Variants in ZFPM2 observed in about 807,000 individuals in gnomAD.
The protein encoded by ZFPM2 is zinc finger protein, FOG family member 2.
ZFPM2 carries 20 observed loss-of-function variants against 98.6 expected under a neutral mutation model. The ratio of observed to expected loss-of-function variants is 0.20; its 90% CI spans 0.14 to 0.29. The LOEUF (loss-of-function observed/expected upper bound fraction) is 0.29. Among genes scored for constraint, ZFPM2 ranks in the 10% least tolerant of loss-of-function variants. The probability of loss-of-function intolerance (pLI) is 1.00; values close to 1 mark genes in which losing one functional copy is unlikely to be tolerated. For synonymous variants in ZFPM2, 518 were observed against 502.7 expected, an observed-to-expected ratio of 1.03 and a Z score of -0.41; for missense variants, 1,310 against 1,388.6, an observed-to-expected ratio of 0.94 and a Z score of 0.90.
chr8:105,535,104 T>C (rs1251183224), intron 3 of ZFPM2, among the ~76,000 whole-genome samples: 2 of 152,168 alleles, frequency 1.3e-5, no homozygotes, highest in Admixed American at 6.6e-5. Context: ...GGGGAATAAA[T>C]AGACTGGAAA....
chr8:105,458,273 G>T (rs1812637714), intron 3 of ZFPM2, among the ~76,000 whole-genome samples: 1 of 152,116 alleles, frequency 6.6e-6, no homozygotes, highest in South Asian at 2.1e-4. Context: ...GCAAAGAAAA[G>T]AGCATATTTC....
chr8:105,538,578 A>G (rs1814511085), intron 3 of ZFPM2, among the ~76,000 whole-genome samples: 1 of 151,940 alleles, frequency 6.6e-6, no homozygotes, highest in South Asian at 2.1e-4. Context: ...GATACTTGAG[A>G]CTGTCACTGA....
In ZFPM2 at chr8:105,798,916, G is replaced by A. The variant is rs367565378; in HGVS notation, c.932G>A (p.Arg311Gln). 9.2e-5 allele frequency: 148 copies of A among 1,613,700 alleles called. No homozygotes were observed. The highest frequency in any genetic ancestry group is 1.1e-4 in the Non-Finnish European group (134 of 1,179,808). The stretch of plus-strand genomic sequence containing the variant: ...TGCACCAAGAGCTTTTCAAATGCTC[G>A]AGCTCTAGAAATGCACCTGAATTCA... ...PQCTKSFSNA[R>Q]ALEMHLNSHS... is the part of the protein sequence containing the mutation. The change falls in exon 7 of 8, where the codon CGA (arginine) becomes CAA (glutamine). Residue 311 changes from arginine (R) to glutamine (Q), a missense_variant. Arg to Gln is a conservative substitution (Grantham distance 43). Transcript: ENST00000407775.
At chr8:105,422,718 C>G (rs755792327) in intron 2 of ZFPM2, among the ~76,000 whole-genome samples, 16 of 151,922 alleles carry the variant, frequency 1.1e-4, no homozygotes, top group Non-Finnish European at 1.8e-4. Context: ...AAAAATGTGG[C>G]TAGAAGGTCT....
chr8:105,561,337 A>G, intron 3 of ZFPM2, 26 bp from the exon 4 acceptor site: 1 of 1,583,824 alleles, frequency 6.3e-7, no homozygotes, highest in Non-Finnish European at 8.7e-7. Flanking sequence ...TAAGTATTCT[A>G]AACACTTCTG....
chr8:105,372,294 G>A (rs143530358), intron 1 of ZFPM2, among the ~76,000 whole-genome samples: 8 of 151,856 alleles, frequency 5.3e-5, no homozygotes, highest in Non-Finnish European at 7.4e-5. Context: ...CACCTGCCTC[G>A]GCCTCCCAAA....
intron 1 of ZFPM2, among the ~76,000 whole-genome samples, chr8:105,377,970 C>T (rs77782239): frequency 7.8e-4 from 119 of 152,110 alleles, no homozygotes; most frequent in African/African-American, 2.8e-3. Context: ...AGTGTGCTTC[C>T]CAGTTTCAGT....
intron 3 of ZFPM2, among the ~76,000 whole-genome samples, chr8:105,514,341 A>C (rs1813877212): frequency 2.9e-5 from 4 of 140,240 alleles, no homozygotes; most frequent in African/African-American, 1.1e-4. Flanking sequence ...TTTTTTAAAT[A>C]AGGGAGCCAG....
intron 3 of ZFPM2, among the ~76,000 whole-genome samples, chr8:105,549,529 T>TCCTTCCTTCCTTCCTTCCTG: frequency 8.3e-6 from 1 of 121,124 alleles, no homozygotes; most frequent in Non-Finnish European, 1.7e-5. Context: ...CTTCCTTCCT[T>TCCTTCCTTCCTTCCTTCCTG]CCTTCCTTCC....
intron 3 of ZFPM2, among the ~76,000 whole-genome samples, chr8:105,534,398 C>T (rs556352181): frequency 7.2e-6 from 1 of 138,628 alleles, no homozygotes; most frequent in African/African-American, 2.9e-5. Flanking sequence ...TCCTCCCTTC[C>T]TACCTTTCCT....
chr8:105,493,495 A>G (rs1193908372), intron 3 of ZFPM2, among the ~76,000 whole-genome samples: 1 of 152,180 alleles, frequency 6.6e-6, no homozygotes, highest in Non-Finnish European at 1.5e-5. Flanking sequence ...CACACACTGC[A>G]AGTGATAAGA....
intron 5 of ZFPM2, among the ~76,000 whole-genome samples, chr8:105,651,791 A>G (rs1194947254): frequency 2.0e-5 from 3 of 152,312 alleles, no homozygotes; most frequent in African/African-American, 7.2e-5. Context: ...TTTATTATGC[A>G]TCATTCAACA....
intron 3 of ZFPM2, among the ~76,000 whole-genome samples, chr8:105,546,930 A>G (rs554947977): frequency 6.6e-6 from 1 of 152,308 alleles, no homozygotes; most frequent in East Asian, 1.9e-4. Flanking sequence ...CTTATTATCT[A>G]CATATACAGT....
At chr8:105,533,323 T>C (rs1006483243) in intron 3 of ZFPM2, among the ~76,000 whole-genome samples, 3 of 152,104 alleles carry the variant, frequency 2.0e-5, no homozygotes, top group Admixed American at 2.0e-4. Context: ...ACAGTTTAGA[T>C]AGGAGTCACT....
intron 3 of ZFPM2, among the ~76,000 whole-genome samples, chr8:105,478,889 C>G (rs1813062739): frequency 6.6e-6 from 1 of 152,172 alleles, no homozygotes; most frequent in Non-Finnish European, 1.5e-5. Flanking sequence ...TCGTGGAATG[C>G]TACTAAAGTC....
chr8:105,393,330 C>CTGTCTTTCTT (rs1245789213), intron 1 of ZFPM2, among the ~76,000 whole-genome samples: 14 of 132,910 alleles, frequency 1.1e-4, no homozygotes, highest in Admixed American at 2.3e-4. Flanking sequence ...CCCTCTCTCT[C>CTGTCTTTCTT]TCTTTGCCTT....
At chr8:105,681,109 C>G (rs117113383) in intron 5 of ZFPM2, among the ~76,000 whole-genome samples, 2,035 of 152,222 alleles carry the variant, frequency 0.013, 34 homozygotes, top group Non-Finnish European at 0.023. Flanking sequence ...ATGACCAGAG[C>G]ATTCTTTATG....
At chr8:105,463,351 GTA>G (rs1227675857) in intron 3 of ZFPM2, among the ~76,000 whole-genome samples, 1 of 151,412 alleles carries the variant, frequency 6.6e-6, no homozygotes, top group Non-Finnish European at 1.5e-5. Context: ...ATATGTGTGT[GTA>G]TATATAGTTT....
At chr8:105,622,047 G>A (rs1170004407) in intron 4 of ZFPM2, among the ~76,000 whole-genome samples, 2 of 151,532 alleles carry the variant, frequency 1.3e-5, no homozygotes, top group African/African-American at 4.9e-5. Flanking sequence ...CAAAAGTAAT[G>A]CTGATTAGTT....
Sources: gnomAD v4.1 joint callset for allele counts (sites outside exome capture counted in the v4.1 genomes callset) on GRCh38, gnomAD v4.1.1 for gene constraint, MANE v1.5 for transcripts, NCBI Gene and HGNC (gene_info 2026-07-23, HGNC 2026-07-21) for gene names.